PDE8B: variants seen among roughly 807,000 people sequenced by gnomAD.
PDE8B encodes phosphodiesterase 8B.
PDE8B carries 26 observed loss-of-function variants against 101.3 expected under a neutral mutation model. The observed-to-expected ratio is 0.26, with a 90% confidence interval of 0.19 to 0.36. The LOEUF is 0.36. Among genes scored for constraint, PDE8B ranks in the 10% least tolerant of loss-of-function variants. The pLI is 1.00. For missense variants in PDE8B, 810 were observed against 1,163.1 expected, an observed-to-expected ratio of 0.70 and a Z score of 4.42; for synonymous variants, 424 against 429.3, an observed-to-expected ratio of 0.99 and a Z score of 0.15.
chr5:77,313,016 C>A (rs1442124994), intron 2 of PDE8B, among the ~76,000 whole-genome samples: 1 of 152,144 alleles, frequency 6.6e-6, no homozygotes, highest in Non-Finnish European at 1.5e-5. Flanking sequence ...GAGTTTGTAC[C>A]CTTTTAAATA....
intron 7 of PDE8B, among the ~76,000 whole-genome samples, chr5:77,347,397 G>A (rs997880736): frequency 1.3e-5 from 2 of 152,168 alleles, no homozygotes; most frequent in African/African-American, 2.4e-5. Flanking sequence ...GCATTCTGAG[G>A]TTTCAGGAAC....
At chr5:77,289,650 T>C (rs1018953056) in intron 1 of PDE8B, among the ~76,000 whole-genome samples, 1 of 152,230 alleles carries the variant, frequency 6.6e-6, no homozygotes, top group East Asian at 1.9e-4. Context: ...TATTTGGCAA[T>C]ATGTAAAATG....
At chr5:77,104,905 A>G in the PDE8B span, 1 of 152,314 alleles carries the variant, frequency 6.6e-6, no homozygotes, top group South Asian at 2.1e-4. Flanking sequence ...CTTAATCAAG[A>G]CACAGAATGT....
At chr5:77,277,560 A>G (rs75026015) in intron 1 of PDE8B, among the ~76,000 whole-genome samples, 2,549 of 152,338 alleles carry the variant, frequency 0.017, 68 homozygotes, top group African/African-American at 0.058. Context: ...TCTCTGCTTC[A>G]CATCAAAAAT....
chr5:77,354,966 T>C (rs1253079270), intron 10 of PDE8B, among the ~76,000 whole-genome samples: 1 of 152,240 alleles, frequency 6.6e-6, no homozygotes, highest in African/African-American at 2.4e-5. Context: ...ATTTGCGTGC[T>C]AAACTGCCCT....
chr5:77,129,779 G>A, the PDE8B span, among the ~76,000 whole-genome samples: 2 of 152,146 alleles, frequency 1.3e-5, no homozygotes, highest in Non-Finnish European at 2.9e-5. Flanking sequence ...TGTCTGTAGT[G>A]TTTCGCAGTA....
chr5:77,378,967 TAGAG>T (rs1271080238), intron 10 of PDE8B, among the ~76,000 whole-genome samples: 4 of 151,922 alleles, frequency 2.6e-5, no homozygotes, highest in East Asian at 1.9e-4. Context: ...TGAAAGACAT[TAGAG>T]AGAAACTAGA....
Position 77,314,628 on chromosome 5 carries a change from TATTATAGG to T in PDE8B, c.399+2580_399+2587del, listed in dbSNP as rs1053324019. Among the ~76,000 whole-genome samples, 61 of 152,246 alleles carry T rather than the reference TATTATAGG, an allele frequency of 4.0e-4. No homozygotes were observed. In the East Asian group the frequency reaches 4.2e-3, roughly 11 times the overall value. ...AATTCCTATAATCCTAAGCATTATG[TATTATAGG>T]ATTAAATTCCTTAGGATTTTCTATG... On this transcript the variant is annotated intron_variant, in intron 2 of 21. Transcript: ENST00000264917.
chr5:77,093,433 T>A, the PDE8B span, among the ~76,000 whole-genome samples: 2 of 152,192 alleles, frequency 1.3e-5, no homozygotes, highest in African/African-American at 4.8e-5. Flanking sequence ...GATGGTAATG[T>A]CCCCTCTTTC....
the PDE8B span, among the ~76,000 whole-genome samples, chr5:77,104,255 T>C: frequency 6.6e-6 from 1 of 152,192 alleles, no homozygotes; most frequent in African/African-American, 2.4e-5. Context: ...AAGTACATGT[T>C]TGCCGGGAGG....
At chr5:77,167,293 A>G in the PDE8B span, among the ~76,000 whole-genome samples, 1 of 152,216 alleles carries the variant, frequency 6.6e-6, no homozygotes, top group Non-Finnish European at 1.5e-5. Flanking sequence ...CTTAATGATA[A>G]GGATGTGTTG....
Position 77,325,794 on chromosome 5 carries a change from A to C in PDE8B, c.590+65A>C, listed in dbSNP as rs114701573. 317 of 1,076,472 alleles carry C rather than the reference A, an allele frequency of 2.9e-4. 1 individual carries two copies. The African/African-American group carries it at 4.6e-3, about 16-fold the overall frequency. The allele number at this position is 1,076,472 out of a possible 1,614,324, so 66.7% of individuals were successfully genotyped here. A position where few individuals can be genotyped will look rare whatever the true frequency, so the allele number is the denominator to read the frequency against. On this transcript the variant is annotated intron_variant, in intron 3 of 21. Transcript: ENST00000264917. ...TTACATCTTAAAACGAATTTCATTT[A>C]TAGATATCTTTAGTTTATTTCAAAT...
intron 17 of PDE8B, among the ~76,000 whole-genome samples, chr5:77,417,061 C>T (rs1795723945): frequency 1.3e-5 from 2 of 152,022 alleles, no homozygotes; most frequent in African/African-American, 4.8e-5. Flanking sequence ...AAATCACTTC[C>T]TTGGAAGTGA....
intron 21 of PDE8B, 64 bp downstream of exon 21, chr5:77,425,960 T>C: frequency 6.8e-7 from 1 of 1,474,024 alleles, no homozygotes; most frequent in Non-Finnish European, 9.5e-7. Flanking sequence ...TTATCTTTAG[T>C]GACACAGGGT....
the PDE8B span, among the ~76,000 whole-genome samples, chr5:77,177,196 G>GA: frequency 1.3e-5 from 2 of 151,512 alleles, no homozygotes; most frequent in African/African-American, 2.4e-5. Flanking sequence ...AGAAGTGGAG[G>GA]AAAAAAAACC....
At chr5:77,140,795 C>A in the PDE8B span, 1 of 152,168 alleles carries the variant, frequency 6.6e-6, no homozygotes, top group Admixed American at 6.5e-5. Flanking sequence ...ACATGGCAAC[C>A]CCCATTTCCT....
chr5:77,098,604 C>G, the PDE8B span: 1 of 152,104 alleles, frequency 6.6e-6, no homozygotes, highest in Non-Finnish European at 1.5e-5. Flanking sequence ...CCACTTCTAC[C>G]CCATTGTTTA....
the PDE8B span, chr5:77,115,061 T>C: frequency 4.6e-5 from 7 of 152,352 alleles, no homozygotes; most frequent in African/African-American, 1.4e-4. Context: ...GACACCTTAT[T>C]GGCCAAATGT....
chr5:77,407,053 T>A (rs1793614140), intron 12 of PDE8B, among the ~76,000 whole-genome samples: 1 of 152,128 alleles, frequency 6.6e-6, no homozygotes, highest in Non-Finnish European at 1.5e-5. Flanking sequence ...TTGGGTGACT[T>A]GGGGGAAAGT....
Sources: allele counts gnomAD v4.1 joint callset (sites outside exome capture counted in the v4.1 genomes callset), GRCh38; gene constraint gnomAD v4.1.1; transcripts MANE v1.5; gene names NCBI Gene and HGNC (gene_info 2026-07-23, HGNC 2026-07-21).